TRIP12: variants seen among roughly 807,000 people sequenced by gnomAD.
TRIP12 encodes the protein thyroid hormone receptor interactor 12, also known as E3 ubiquitin-protein ligase TRIP12.
TRIP12 carries 25 observed loss-of-function variants against 244.2 expected under a neutral mutation model. The ratio of observed to expected loss-of-function variants is 0.10; its 90% confidence interval spans 0.07 to 0.14. TRIP12 has a LOEUF of 0.14. Among genes scored for constraint, TRIP12 ranks in the 10% least tolerant of loss-of-function variants. The probability of loss-of-function intolerance (pLI) is 1.00; values close to 1 mark genes in which losing one functional copy is unlikely to be tolerated. For synonymous variants in TRIP12, 905 were observed against 873.1 expected (o/e 1.04, Z -0.64); for missense variants, 1,677 against 2,486.4 (o/e 0.67, Z 6.92).
chr2:229,814,393 A>C, intron 11 of TRIP12, 68 bp from the exon 12 acceptor site: 1 of 1,485,210 alleles, frequency 6.7e-7, no homozygotes, highest in East Asian at 2.3e-5. Context: ...TATCTTCTAC[A>C]TATTTTCTCT....
chr2:229,845,973 C>T (rs887912003), intron 4 of TRIP12, among the ~76,000 whole-genome samples: 18 of 140,370 alleles, frequency 1.3e-4, no homozygotes, highest in African/African-American at 3.9e-4. Context: ...CACACCACTG[C>T]GTTCCAGCCT....
Position 229,829,376 on chromosome 2 carries a change from G to A in TRIP12, c.1355-88C>T, listed in dbSNP as rs914830677. 2.5e-5 allele frequency: 25 copies of A among 1,006,366 alleles called. No homozygotes were observed. The Admixed American group carries it at 4.4e-4, about 18-fold the overall frequency. The allele number at this position is 1,006,366 out of a possible 1,614,324, so 62.3% of individuals were successfully genotyped here. ...AAATTTCAAGTAACTGATTCATCTC[G>A]CTTAACTGATTCAGTCAATGTTACT... On this transcript the variant is annotated intron_variant, in intron 7 of 41. Coordinates refer to ENST00000675903, the MANE Select transcript of TRIP12 (RefSeq NM_001348323.3).
chr2:229,848,530 C>T (rs1257925212), intron 4 of TRIP12, among the ~76,000 whole-genome samples: 1 of 152,118 alleles, frequency 6.6e-6, no homozygotes, highest in East Asian at 1.9e-4. Context: ...ATGTAGAAAT[C>T]TACCAGAAAC....
intron 4 of TRIP12, among the ~76,000 whole-genome samples, chr2:229,853,636 G>A (rs1004636598): frequency 2.6e-5 from 4 of 152,002 alleles, no homozygotes; most frequent in Non-Finnish European, 5.9e-5. Flanking sequence ...CAGACTGGGC[G>A]ACAAGAATGA....
At chr2:229,900,129 G>A (rs1184196114) in intron 1 of TRIP12, among the ~76,000 whole-genome samples, 6 of 152,188 alleles carry the variant, frequency 3.9e-5, no homozygotes, top group Non-Finnish European at 7.3e-5. Flanking sequence ...TGTACAGACT[G>A]TTATACAAAG....
intron 34 of TRIP12, among the ~76,000 whole-genome samples, chr2:229,782,732 A>T (rs548953267): frequency 6.6e-6 from 1 of 152,364 alleles, no homozygotes; most frequent in African/African-American, 2.4e-5. Context: ...TTACTTAAAT[A>T]GGCACAGGTA....
chr2:229,899,220 G>A (rs1395726417), intron 1 of TRIP12, among the ~76,000 whole-genome samples: 1 of 152,086 alleles, frequency 6.6e-6, no homozygotes, highest in Non-Finnish European at 1.5e-5. Context: ...CACAAGCCAT[G>A]GCACACGGTC....
intron 26 of TRIP12, among the ~76,000 whole-genome samples, chr2:229,794,218 A>G (rs2042233084): frequency 6.6e-6 from 1 of 152,164 alleles, no homozygotes; most frequent in South Asian, 2.1e-4. Flanking sequence ...AAAAATGCAT[A>G]TGGTTTTTAA....
chr2:229,767,788 T>A (rs2032286225), intron 41 of TRIP12, 38 bp from the exon 42 acceptor site: 1 of 1,573,622 alleles, frequency 6.4e-7, no homozygotes, highest in Non-Finnish European at 8.6e-7. Context: ...AACTTAAGTT[T>A]TTAAAAAACA....
At chr2:229,918,184 G>C (rs566313378) in intron 1 of TRIP12, among the ~76,000 whole-genome samples, 1 of 152,336 alleles carries the variant, frequency 6.6e-6, no homozygotes, top group Admixed American at 6.5e-5. Context: ...TGAGTTGTAA[G>C]TTGTTCTTCA....
intron 20 of TRIP12, among the ~76,000 whole-genome samples, chr2:229,802,919 G>C (rs1005129442): frequency 6.6e-6 from 1 of 152,148 alleles, no homozygotes; most frequent in Admixed American, 6.5e-5. Flanking sequence ...TGAAGGGTGG[G>C]AACTATCACA....
At chr2:229,921,671 G>T (rs2076605446) in intron 1 of TRIP12, 1 of 151,714 alleles carries the variant, frequency 6.6e-6, no homozygotes, top group African/African-American at 2.4e-5. Context: ...GCCCTCGAGC[G>T]TCTCTCCCGT....
intron 33 of TRIP12, 46 bp downstream of exon 33, chr2:229,787,459 A>G (rs2040392515): frequency 1.9e-6 from 3 of 1,572,528 alleles, no homozygotes; most frequent in Middle Eastern, 1.8e-4. Flanking sequence ...TTTTCCCATT[A>G]TTTTGAAAAG....
chr2:229,864,001 TGAAAGAGAGAGAGAGAGAGAGAGA>T lies in TRIP12; in HGVS notation c.99-3494_99-3471del, dbSNP rs1180891888. On this transcript the variant is annotated intron_variant, in intron 2 of 41. Coordinates refer to ENST00000675903, the MANE Select transcript of TRIP12 (RefSeq NM_001348323.3). ...GTAAATTATAGCCCAAAGATTTGGG[TGAAAGAGAGAGAGAGAGAGAGAGA>T]GAGAGAGAGAGAGAGAGAGAGAGTG... Among the ~76,000 whole-genome samples, 8 of 113,550 alleles carry T rather than the reference TGAAAGAGAGAGAGAGAGAGAGAGA, an allele frequency of 7.0e-5. No individual in the cohort carries two copies. The East Asian group carries it at 7.2e-4, about 10-fold the overall frequency. 74.5% of individuals were successfully genotyped at this position (113,550 alleles called of 152,430 possible).
chr2:229,834,572 C>T (rs1342680200), intron 6 of TRIP12, among the ~76,000 whole-genome samples: 1 of 152,124 alleles, frequency 6.6e-6, no homozygotes, highest in Non-Finnish European at 1.5e-5. Context: ...GCAGCCCGGC[C>T]AACATGGTGA....
At chr2:229,876,671 A>AT (rs2063639283) in intron 2 of TRIP12, among the ~76,000 whole-genome samples, 1 of 152,054 alleles carries the variant, frequency 6.6e-6, no homozygotes, top group South Asian at 2.1e-4. Flanking sequence ...TTACTTATTT[A>AT]TTTTTTGAGA....
rs767930407 is a variant in TRIP12 at position 229,803,664 on chromosome 2, G to C, written c.2905C>G (p.Gln969Glu). ...GCTCCCACTACTATCTTCAGGTCTT[G>C]GCTTGACAGCATGGAAGCAATGTGA... ...SSHIASMLSS[Q>E]DLKIVVGALQ... is the part of the protein sequence containing the mutation. The change falls in exon 20 of 42, where the codon CAA (glutamine) becomes GAA (glutamate). Residue 969 changes from glutamine to glutamate, a missense_variant. Gln to Glu is a conservative substitution (Grantham distance 29). Around this residue, in one of 11 missense-constraint regions of TRIP12, gnomAD observed 572 missense variants for 867.8 expected, o/e 0.66. Transcript: ENST00000675903. 6.2e-7 allele frequency: 1 copy of C among 1,610,762 alleles called. No homozygotes were observed. Among genetic ancestry groups the C allele is most frequent in the Non-Finnish European group, 8.5e-7 (1 of 1,179,098 alleles).
At chr2:229,835,135 G>A (rs1468228442) in intron 6 of TRIP12, among the ~76,000 whole-genome samples, 1 of 152,198 alleles carries the variant, frequency 6.6e-6, no homozygotes, top group Admixed American at 6.5e-5. Context: ...ATACTTTCAT[G>A]AGTCAGCAGA....
chr2:229,840,275 A>G (rs1471076691), intron 5 of TRIP12, among the ~76,000 whole-genome samples: 5 of 152,398 alleles, frequency 3.3e-5, no homozygotes, highest in Admixed American at 6.5e-5. Context: ...AGTAGAAGAT[A>G]AAAGTATCGT....
Sources: allele counts gnomAD v4.1 joint callset (sites outside exome capture counted in the v4.1 genomes callset), GRCh38; gene constraint gnomAD v4.1.1; regional missense constraint gnomAD v4.1.1; transcripts MANE v1.5; gene names NCBI Gene and HGNC (gene_info 2026-07-23, HGNC 2026-07-21).